Variants in CDKAL1 observed in about 807,000 individuals in gnomAD.
CDKAL1 encodes threonylcarbamoyladenosine tRNA methylthiotransferase.
CDKAL1 carries 32 observed loss-of-function variants against 68.2 expected under a neutral mutation model. The observed-to-expected ratio is 0.47, with a 90% CI of 0.35 to 0.63. The LOEUF is 0.63. Ranked by LOEUF, CDKAL1 falls within the 30% of genes least tolerant of loss-of-function variation. The pLI is 0.00. For synonymous variants in CDKAL1, 234 were observed against 244.3 expected, an observed-to-expected ratio of 0.96 and a Z score of 0.39; for missense variants, 606 against 696.7, an observed-to-expected ratio of 0.87 and a Z score of 1.47.
chr6:21,227,693 C>T (rs200857963), intron 15 of CDKAL1, among the ~76,000 whole-genome samples: 2 of 152,054 alleles, frequency 1.3e-5, no homozygotes, highest in African/African-American at 4.8e-5. Flanking sequence ...ACCAAAATAC[C>T]TTTATGAATC....
intron 8 of CDKAL1, among the ~76,000 whole-genome samples, chr6:20,828,008 G>A (rs1201396129): frequency 1.3e-5 from 2 of 152,106 alleles, no homozygotes; most frequent in Non-Finnish European, 2.9e-5. Flanking sequence ...GTAGGCAGCA[G>A]ATCTCTTGTT....
chr6:20,835,481 T>TTTGTC (rs143490469), intron 8 of CDKAL1, among the ~76,000 whole-genome samples: 2,674 of 149,748 alleles, frequency 0.018, 54 homozygotes, highest in African/African-American at 0.044. Context: ...CTTTGCTTTG[T>TTTGTC]TTGTCTTGTC....
At chr6:20,600,825 T>C (rs1177329949) in intron 4 of CDKAL1, among the ~76,000 whole-genome samples, 2 of 114,334 alleles carry the variant, frequency 1.7e-5, no homozygotes, top group Non-Finnish European at 3.8e-5. Context: ...TTCTGTAATA[T>C]TATTTATACA....
At chr6:20,846,206 A>G in intron 9 of CDKAL1, 28 bp downstream of exon 9, 2 of 1,349,992 alleles carry the variant, frequency 1.5e-6, no homozygotes, top group Non-Finnish European at 2.1e-6. Context: ...TATATGTGAA[A>G]TTAGTCTTCT....
chr6:20,640,863 A>T (rs554326684), intron 4 of CDKAL1, among the ~76,000 whole-genome samples: 263 of 152,310 alleles, frequency 1.7e-3, no homozygotes, highest in African/African-American at 6.2e-3. Context: ...TAAAATTGGA[A>T]TAAAAATGAA....
intron 13 of CDKAL1, among the ~76,000 whole-genome samples, chr6:21,174,723 G>C (rs1777513714): frequency 8.3e-6 from 1 of 120,760 alleles, no homozygotes. Flanking sequence ...CCATTTTGGA[G>C]GGCAATTTAA....
rs556866542 is a variant in CDKAL1, at chr6:20,572,153, A to T, written c.286+23448A>T. ...GCCAGGTTAGCTTTATTGAATGTAAATCTCTGACTTCTCCCAAGATACCCA... is the reference window on the plus strand; with the variant it reads ...GCCAGGTTAGCTTTATTGAATGTAATTCTCTGACTTCTCCCAAGATACCCA... On this transcript the variant is annotated intron_variant, in intron 4 of 15. Transcript: ENST00000274695. 7.8e-4 allele frequency among the ~76,000 whole-genome samples: 119 copies of T among 152,224 alleles called. 1 individual carries two copies. Among genetic ancestry groups the T allele is most frequent in the African/African-American group, 2.7e-3 (114 of 41,540 alleles).
intron 6 of CDKAL1, among the ~76,000 whole-genome samples, chr6:20,754,612 TG>T (rs1774090237): frequency 6.6e-6 from 1 of 152,204 alleles, no homozygotes; most frequent in African/African-American, 2.4e-5. Context: ...GAAAAGTGTC[TG>T]TTCAGATTAT....
At chr6:20,746,917 C>T (rs982312484) in intron 6 of CDKAL1, among the ~76,000 whole-genome samples, 3 of 152,032 alleles carry the variant, frequency 2.0e-5, no homozygotes, top group African/African-American at 7.2e-5. Context: ...TTAAATATAG[C>T]CCTGATGATG....
chr6:20,645,557 C>G (rs1221562938), intron 4 of CDKAL1, among the ~76,000 whole-genome samples: 1 of 151,752 alleles, frequency 6.6e-6, no homozygotes, highest in Non-Finnish European at 1.5e-5. Flanking sequence ...TGATGAAACC[C>G]CGTCTGTACT....
intron 8 of CDKAL1, among the ~76,000 whole-genome samples, chr6:20,797,250 A>G (rs1342376565): frequency 6.6e-6 from 1 of 152,218 alleles, no homozygotes; most frequent in Non-Finnish European, 1.5e-5. Flanking sequence ...ATGCAAATGG[A>G]AACTAAGCAC....
rs113301222 is a variant in CDKAL1 at position 20,739,627 on chromosome 6, C to T, written c.468+12C>T. 2 of 1,514,220 alleles carry T rather than the reference C, an allele frequency of 1.3e-6. No individual in the cohort carries two copies. Among genetic ancestry groups the T allele is most frequent in the African/African-American group, 2.8e-5 (2 of 72,108 alleles). The allele number at this position is 1,514,220 out of a possible 1,614,324, so 93.8% of individuals were successfully genotyped here. A position where few individuals can be genotyped will look rare whatever the true frequency, so the allele number is the denominator to read the frequency against. ...TGAGTATCATTGGGGTAAGCTTGTA[C>T]CTGATGCAAAAAGAGAAAATCTTAC... On this transcript the variant is annotated intron_variant, in intron 6 of 15. Coordinates refer to ENST00000274695, the MANE Select transcript of CDKAL1 (RefSeq NM_017774.3).
chr6:21,110,011 T>A (rs547171589), intron 13 of CDKAL1, among the ~76,000 whole-genome samples: 28 of 152,332 alleles, frequency 1.8e-4, no homozygotes, highest in African/African-American at 6.7e-4. Flanking sequence ...TGTATCAAAG[T>A]CACCTCAGAT....
intron 15 of CDKAL1, among the ~76,000 whole-genome samples, chr6:21,206,302 G>A (rs1046428450): frequency 6.6e-6 from 1 of 152,108 alleles, no homozygotes; most frequent in Non-Finnish European, 1.5e-5. Flanking sequence ...GAGAAAATGG[G>A]CAGTTTTAAT....
At chr6:21,105,089 G>A (rs764800552) in intron 12 of CDKAL1, among the ~76,000 whole-genome samples, 1 of 152,080 alleles carries the variant, frequency 6.6e-6, no homozygotes, top group Non-Finnish European at 1.5e-5. Context: ...GTTAGCATCC[G>A]TCATTTTTCT....
chr6:20,944,473 A>G (rs147399301), intron 9 of CDKAL1, among the ~76,000 whole-genome samples: 13,883 of 152,232 alleles, frequency 0.091, 1,086 homozygotes, highest in African/African-American at 0.22. Flanking sequence ...CAGACTCCCA[A>G]GTAGCTGGGA....
At chr6:20,792,223 A>G (rs1053847747) in intron 8 of CDKAL1, among the ~76,000 whole-genome samples, 22 of 152,210 alleles carry the variant, frequency 1.4e-4, no homozygotes, top group African/African-American at 4.8e-4. Flanking sequence ...TAAAAAGGCA[A>G]TAGTGCATGT....
rs1162964827 is a variant in CDKAL1 at position 20,587,318 on chromosome 6, G to A, written c.286+38613G>A. Among the ~76,000 whole-genome samples the A allele has an allele frequency of 2.6e-5, 4 of 151,994 alleles. No individual in the cohort carries two copies. The East Asian group carries it at 5.8e-4, about 22-fold the overall frequency. The stretch of plus-strand genomic sequence containing the variant: ...TTTTCATTTTAGGGGATGAGAGTTC[G>A]AAGCTAACAGATAATAAAACTTATA... On this transcript the variant is annotated intron_variant, in intron 4 of 15. Coordinates refer to ENST00000274695, the MANE Select transcript of CDKAL1 (RefSeq NM_017774.3).
At chr6:21,230,243 C>A (rs1223022158) in intron 15 of CDKAL1, among the ~76,000 whole-genome samples, 1 of 152,212 alleles carries the variant, frequency 6.6e-6, no homozygotes, top group South Asian at 2.1e-4. Context: ...CTCACTGTAG[C>A]CTTCACCTTC....
Sources: gnomAD v4.1 joint callset for allele counts (sites outside exome capture counted in the v4.1 genomes callset) on GRCh38, gnomAD v4.1.1 for gene constraint, MANE v1.5 for transcripts, NCBI Gene and HGNC (gene_info 2026-07-23, HGNC 2026-07-21) for gene names.